The following KANK1 variants were observed in gnomAD, a reference collection of about 807,000 sequenced individuals.
KANK1 encodes the protein KN motif and ankyrin repeat domain-containing protein 1.
Under a neutral mutation model 106.2 loss-of-function variants are expected in KANK1, and 109 were observed. The ratio of observed to expected loss-of-function variants is 1.03; its 90% CI spans 0.88 to 1.20. The LOEUF (loss-of-function observed/expected upper bound fraction) is 1.20. Among genes scored for constraint, KANK1 ranks in the 50% most tolerant of loss-of-function variants. The probability of loss-of-function intolerance (pLI) is 0.00; values close to 1 mark genes in which losing one functional copy is unlikely to be tolerated. For synonymous variants in KANK1, 873 were observed against 652.2 expected (o/e 1.34, Z -5.16); for missense variants, 2,399 against 1,710.7 (o/e 1.40, Z -7.10).
At chr9:622,867 A>C (rs556915356) in intron 1 of KANK1, among the ~76,000 whole-genome samples, 248 of 152,146 alleles carry the variant, frequency 1.6e-3, no homozygotes, top group Non-Finnish European at 2.9e-3. Context: ...ATGCCATTGC[A>C]CTCCAGCCTG....
intron 1 of KANK1, among the ~76,000 whole-genome samples, chr9:653,139 T>G (rs1841300202): frequency 6.6e-6 from 1 of 152,162 alleles, no homozygotes; most frequent in South Asian, 2.1e-4. Context: ...GGGCCCAGGA[T>G]TTAGAAGAGC....
intron 1 of KANK1, among the ~76,000 whole-genome samples, chr9:652,963 T>C (rs1841254851): frequency 6.6e-6 from 1 of 152,214 alleles, no homozygotes; most frequent in Non-Finnish European, 1.5e-5. Flanking sequence ...GTTCCGGCGT[T>C]GGCGGTGGGA....
At chr9:742,771 A>T (rs894993595) in intron 10 of KANK1, among the ~76,000 whole-genome samples, 12 of 152,152 alleles carry the variant, frequency 7.9e-5, no homozygotes, top group African/African-American at 2.9e-4. Context: ...GGAAATCTGG[A>T]TTATCATTAG....
chr9:715,785 T>C (rs1827524778), intron 3 of KANK1, among the ~76,000 whole-genome samples: 1 of 152,246 alleles, frequency 6.6e-6, no homozygotes, highest in Admixed American at 6.5e-5. Flanking sequence ...TTTCACCATT[T>C]TGTTTAACGT....
chr9:562,094 G>A lies in KANK1; in HGVS notation c.-84+57340G>A, dbSNP rs374155132. Among the ~76,000 whole-genome samples the A allele has an allele frequency of 2.2e-3, 290 of 129,458 alleles. 1 individual carries two copies. The highest frequency in any genetic ancestry group is 7.6e-3 in the African/African-American group (266 of 35,222). 84.9% of individuals were successfully genotyped at this position (129,458 alleles called of 152,430 possible). A position where few individuals can be genotyped will look rare whatever the true frequency, so the allele number is the denominator to read the frequency against. ...GGAGTCTCGCTCTGTCGCCCAGGCC[G>A]GACTGCGGACTGCAGTGGCGCAATC... On this transcript the variant is annotated intron_variant, in intron 1 of 11. Coordinates refer to ENST00000382297, the MANE Select transcript of KANK1 (RefSeq NM_015158.5).
rs1425523422 is a variant in KANK1 at position 508,127 on chromosome 9, T to A, written c.-84+3373T>A. Reference sequence around the variant, plus strand: ...GTGAGACACCCTGCTCAGCCTTTTTTTTTTTTTTTTTTTTTTTTTTTTTTT... The same window carrying A: ...GTGAGACACCCTGCTCAGCCTTTTTATTTTTTTTTTTTTTTTTTTTTTTTT... On this transcript the variant is annotated intron_variant, in intron 1 of 11. Coordinates refer to ENST00000382297, the MANE Select transcript of KANK1 (RefSeq NM_015158.5). Among the ~76,000 whole-genome samples, 18 of 79,512 alleles carry A rather than the reference T, an allele frequency of 2.3e-4. No homozygotes were observed. The African/African-American group carries it at 3.5e-3, about 16-fold the overall frequency. 52.2% of individuals were successfully genotyped at this position (79,512 alleles called of 152,430 possible).
Position 477,073 on chromosome 9 carries a change from C to T in KANK1, c.-362+3800C>T, listed in dbSNP as rs181648970. ...CTGATACTAAGAGCCAATAAACAAT[C>T]GTTACTTTCATTACCCCAGTTGGCA... On this transcript the variant is annotated intron_variant, in intron 3 of 15. Coordinates refer to the KANK1 transcript ENST00000382303. Among the ~76,000 whole-genome samples the T allele has an allele frequency of 3.9e-5, 6 of 152,250 alleles. No individual in the cohort carries two copies. The East Asian group carries it at 1.2e-3, about 29-fold the overall frequency.
chr9:519,300 G>C (rs772110646), intron 1 of KANK1, among the ~76,000 whole-genome samples: 1 of 151,742 alleles, frequency 6.6e-6, no homozygotes, highest in African/African-American at 2.4e-5. Context: ...TAAGTGTTCT[G>C]AGTTTCTCTG....
At chr9:525,611 C>T (rs551760756) in intron 1 of KANK1, among the ~76,000 whole-genome samples, 1 of 151,670 alleles carries the variant, frequency 6.6e-6, no homozygotes, top group African/African-American at 2.4e-5. Flanking sequence ...GAACTCGTGG[C>T]CTCAAGTGAT....
chr9:506,142 C>A (rs1587320823), intron 1 of KANK1, among the ~76,000 whole-genome samples: 1 of 152,194 alleles, frequency 6.6e-6, no homozygotes, highest in Non-Finnish European at 1.5e-5. Flanking sequence ...AAAAGAACCC[C>A]TATACCGATT....
intron 2 of KANK1, among the ~76,000 whole-genome samples, chr9:678,256 G>A (rs181709214): frequency 6.6e-6 from 1 of 152,118 alleles, no homozygotes; most frequent in Non-Finnish European, 1.5e-5. Flanking sequence ...ATAAAGACAT[G>A]AATGATAATA....
intron 1 of KANK1, among the ~76,000 whole-genome samples, chr9:623,942 G>A (rs1335330997): frequency 6.6e-6 from 1 of 151,830 alleles, no homozygotes; most frequent in African/African-American, 2.4e-5. Context: ...ATTTATTTCA[G>A]CATTACTCAC....
chr9:491,787 G>T (rs944898577), intron 3 of KANK1, among the ~76,000 whole-genome samples: 16 of 152,158 alleles, frequency 1.1e-4, no homozygotes, highest in Non-Finnish European at 1.9e-4. Flanking sequence ...GAAGGAACCC[G>T]GTGGGAGGTA....
At chr9:703,443 A>C (rs1282068952) in intron 2 of KANK1, among the ~76,000 whole-genome samples, 1 of 152,116 alleles carries the variant, frequency 6.6e-6, no homozygotes, top group Non-Finnish European at 1.5e-5. Context: ...GTAGCCAATT[A>C]AGCTTTCAAT....
intron 1 of KANK1, among the ~76,000 whole-genome samples, chr9:645,615 C>T (rs144571569): frequency 6.6e-5 from 10 of 150,698 alleles, no homozygotes; most frequent in African/African-American, 2.5e-4. Flanking sequence ...GGCGTGGTGG[C>T]TCATGCCTGT....
At chr9:523,056 C>T (rs1032268136) in intron 1 of KANK1, among the ~76,000 whole-genome samples, 1 of 151,662 alleles carries the variant, frequency 6.6e-6, no homozygotes, top group African/African-American at 2.4e-5. Flanking sequence ...ACCTCATCTT[C>T]TCTCATGGCT....
intron 3 of KANK1, among the ~76,000 whole-genome samples, chr9:715,594 G>T (rs756580329): frequency 5.9e-5 from 9 of 152,142 alleles, no homozygotes; most frequent in Non-Finnish European, 1.2e-4. Context: ...ACACATCACT[G>T]GTTAGATCCA....
At chr9:622,398 A>G (rs1378796764) in intron 1 of KANK1, among the ~76,000 whole-genome samples, 1 of 152,166 alleles carries the variant, frequency 6.6e-6, no homozygotes, top group Non-Finnish European at 1.5e-5. Context: ...GGAGTAAATG[A>G]TAAATGCATA....
intron 1 of KANK1, among the ~76,000 whole-genome samples, chr9:580,104 T>C (rs995488147): frequency 2.0e-5 from 3 of 152,158 alleles, no homozygotes; most frequent in African/African-American, 7.2e-5. Context: ...TCAGAGTTTC[T>C]TCATTCTGGT....
Sources: gnomAD v4.1 joint callset for allele counts (sites outside exome capture counted in the v4.1 genomes callset) on GRCh38, gnomAD v4.1.1 for gene constraint, MANE v1.5 for transcripts, NCBI Gene and HGNC (gene_info 2026-07-23, HGNC 2026-07-21) for gene names.